ASH2L: variants seen among roughly 807,000 people sequenced by gnomAD.
The protein encoded by ASH2L is ASH2 like, histone lysine methyltransferase complex subunit, also known as set1/Ash2 histone methyltransferase complex subunit ASH2.
In ASH2L, 30 loss-of-function variants were observed where a neutral mutation model predicts 81.1. That is an observed-to-expected ratio of 0.37 (90% CI 0.28 to 0.50). The LOEUF (loss-of-function observed/expected upper bound fraction) is 0.50, where lower values mean the gene tolerates loss of function less well. ASH2L is among the 20% of genes least tolerant of loss of function. ASH2L has a pLI of 0.95. For synonymous variants in ASH2L, 273 were observed against 279.9 expected (o/e 0.98, Z 0.24); for missense variants, 559 against 792.1 (o/e 0.71, Z 3.53).
intron 10 of ASH2L, among the ~76,000 whole-genome samples, chr8:38,123,915 A>C (rs1421114860): frequency 6.6e-6 from 1 of 152,058 alleles, no homozygotes; most frequent in Non-Finnish European, 1.5e-5. Context: ...ATCTCGGCTC[A>C]CTGCAGCCTT....
intron 5 of ASH2L, among the ~76,000 whole-genome samples, chr8:38,112,463 A>C (rs1487847887): frequency 6.6e-6 from 1 of 151,816 alleles, no homozygotes; most frequent in Non-Finnish European, 1.5e-5. Context: ...AGGTCTCACT[A>C]TGTTGCCCAA....
intron 12 of ASH2L, among the ~76,000 whole-genome samples, chr8:38,129,648 C>A (rs1563260033): frequency 1.3e-5 from 2 of 152,162 alleles, no homozygotes; most frequent in African/African-American, 4.8e-5. Context: ...CACAGTTAGT[C>A]CTCACCCCCA....
chr8:38,137,444 T>A (rs1359941572), intron 14 of ASH2L: 1 of 151,176 alleles, frequency 6.6e-6, no homozygotes, highest in Non-Finnish European at 1.5e-5. Flanking sequence ...GAGCCTGTAT[T>A]CTCAGCTACT....
chr8:38,105,661 G>C lies in ASH2L; in HGVS notation c.111G>C (p.Ala37=). ...AGGGGGAGATGAAGCCGGTGGCAGC[G>C]GGAGCAGCCGCTCCTCCTGGAGAGG... The part of the protein sequence containing the change: ...AEEGEMKPVA[A]GAAAPPGEGI... The change falls in exon 1 of 16, where the codon GCG becomes GCC. Residue 37 remains alanine, a synonymous_variant. Transcript: ENST00000343823. 2 of 1,592,166 alleles carry C rather than the reference G, an allele frequency of 1.3e-6. No individual in the cohort carries two copies. The highest frequency in any genetic ancestry group is 1.7e-6 in the Non-Finnish European group (2 of 1,171,082).
chr8:38,130,986 C>G (rs1324767648), intron 12 of ASH2L, among the ~76,000 whole-genome samples: 2 of 152,116 alleles, frequency 1.3e-5, no homozygotes, highest in Non-Finnish European at 2.9e-5. Context: ...TTCTTTGATG[C>G]CTTTATTGAA....
At chr8:38,134,837 C>A (rs149447891) in intron 13 of ASH2L, among the ~76,000 whole-genome samples, 109 of 152,158 alleles carry the variant, frequency 7.2e-4, no homozygotes, top group African/African-American at 2.5e-3. Flanking sequence ...GAGAAGGCAG[C>A]CTTTTCTGAA....
At chr8:38,119,693 T>A (rs1811057140) in intron 9 of ASH2L, among the ~76,000 whole-genome samples, 1 of 151,934 alleles carries the variant, frequency 6.6e-6, no homozygotes, top group Admixed American at 6.6e-5. Context: ...TAATCCCAGC[T>A]ACTTGGGAGG....
intron 13 of ASH2L, 49 bp from the exon 14 acceptor site, chr8:38,135,615 TTTTG>T: frequency 7.3e-7 from 1 of 1,374,032 alleles, no homozygotes; most frequent in Non-Finnish European, 1.0e-6. Flanking sequence ...AGAGTTCTTT[TTTTG>T]TTTGTTCTTT....
At chr8:38,126,468 T>C (rs988622780) in intron 10 of ASH2L, among the ~76,000 whole-genome samples, 14 of 152,208 alleles carry the variant, frequency 9.2e-5, no homozygotes, top group African/African-American at 3.4e-4. Flanking sequence ...GTTAATTTTC[T>C]GGTTTTGATG....
At chr8:38,123,765 T>G (rs922424666) in intron 10 of ASH2L, among the ~76,000 whole-genome samples, 1 of 152,234 alleles carries the variant, frequency 6.6e-6, no homozygotes, top group African/African-American at 2.4e-5. Context: ...CACTCTAGTT[T>G]CTAGTTTATC....
At chr8:38,131,141 A>T (rs556690942) in intron 12 of ASH2L, among the ~76,000 whole-genome samples, 1 of 152,236 alleles carries the variant, frequency 6.6e-6, no homozygotes, top group African/African-American at 2.4e-5. Context: ...AAATACTCTG[A>T]GTTTATTCTG....
rs369123158 is a variant in ASH2L at position 38,116,688 on chromosome 8, A to G, written c.816A>G (p.Lys272=). 1 of 1,613,076 alleles carries G rather than the reference A, an allele frequency of 6.2e-7. No individual in the cohort carries two copies. Among genetic ancestry groups the G allele is most frequent in the African/African-American group, 1.3e-5 (1 of 74,884 alleles). Residue 272 remains lysine (K), a synonymous_variant, in exon 8 of 16, where the codon AAA becomes AAG. Transcript: ENST00000343823. ...TTGGTCCTGCTTATGACAACCAAAA[A>G]CAGAGCAGTGCTGTGTCTACTAGTG... is the stretch of plus-strand genomic sequence containing the variant. ...SNIGPAYDNQ[K]QSSAVSTSGN...
chr8:38,105,655 G>A lies in ASH2L; in HGVS notation c.105G>A (p.Val35=). The change falls in exon 1 of 16, where the codon GTG becomes GTA. Residue 35 remains valine, a synonymous_variant. Coordinates refer to ENST00000343823, the MANE Select transcript of ASH2L (RefSeq NM_004674.5). Reference sequence around the variant, plus strand: ...CAGAAGAGGGGGAGATGAAGCCGGTGGCAGCGGGAGCAGCCGCTCCTCCTG... The same window carrying A: ...CAGAAGAGGGGGAGATGAAGCCGGTAGCAGCGGGAGCAGCCGCTCCTCCTG... ...TGAEEGEMKP[V]AAGAAAPPGE... The A allele has an allele frequency of 6.3e-7, 1 of 1,595,492 alleles. No homozygotes were observed. The highest frequency in any genetic ancestry group is 8.5e-7 in the Non-Finnish European group (1 of 1,172,820).
At chr8:38,110,555 C>T in intron 4 of ASH2L, 88 bp downstream of exon 4, 1 of 1,339,862 alleles carries the variant, frequency 7.5e-7, no homozygotes, top group Non-Finnish European at 1.1e-6. Flanking sequence ...AGACCTTTGC[C>T]TAGTAGCTGG....
intron 12 of ASH2L, among the ~76,000 whole-genome samples, chr8:38,129,457 C>G (rs1406905758): frequency 6.6e-6 from 1 of 152,008 alleles, no homozygotes; most frequent in Admixed American, 6.6e-5. Flanking sequence ...ATCACGAGAC[C>G]CCATCTGTAC....
chr8:38,105,823 C>G, intron 1 of ASH2L, 85 bp downstream of exon 1: 1 of 1,463,012 alleles, frequency 6.8e-7, no homozygotes, highest in East Asian at 2.5e-5. Context: ...CTGCCGCCCG[C>G]CCCCTGCGAA....
At chr8:38,123,099 T>TC (rs1446899686) in intron 10 of ASH2L, among the ~76,000 whole-genome samples, 6 of 148,768 alleles carry the variant, frequency 4.0e-5, no homozygotes, top group Non-Finnish European at 7.4e-5. Context: ...TTTTTTTTTT[T>TC]TTTGAGTTGG....
At chr8:38,118,258 A>G (rs899130540) in intron 8 of ASH2L, among the ~76,000 whole-genome samples, 2 of 152,218 alleles carry the variant, frequency 1.3e-5, no homozygotes, top group Non-Finnish European at 2.9e-5. Context: ...TTTTTATTGC[A>G]GCAGAACTGC....
Position 38,135,771 on chromosome 8 carries a change from G to C in ASH2L, c.1719+5G>C. 1 of 1,588,308 alleles carries C rather than the reference G, an allele frequency of 6.3e-7. No homozygotes were observed. Among genetic ancestry groups the C allele is most frequent in the South Asian group, 1.2e-5 (1 of 86,512 alleles). ...TCACTGTACAAGAGCTGCACGGTAC[G>C]TACATGTTTCCATCCCATGAGCAAA... On this transcript the variant is annotated splice_donor_5th_base_variant and intron_variant, in intron 14 of 15. Coordinates refer to ENST00000343823, the MANE Select transcript of ASH2L (RefSeq NM_004674.5).
Sources: allele counts gnomAD v4.1 joint callset (sites outside exome capture counted in the v4.1 genomes callset), GRCh38; gene constraint gnomAD v4.1.1; transcripts MANE v1.5; gene names NCBI Gene and HGNC (gene_info 2026-07-23, HGNC 2026-07-21).